The following LRMDA variants were observed in gnomAD, a reference collection of about 807,000 sequenced individuals.
LRMDA encodes the protein leucine rich melanocyte differentiation associated.
A neutral mutation model predicts 29.8 loss-of-function variants in LRMDA; 18 were observed. The ratio of observed to expected loss-of-function variants is 0.60; its 90% CI spans 0.42 to 0.90. The LOEUF is 0.90. Among genes scored for constraint, LRMDA ranks in the 40% least tolerant of loss-of-function variants. LRMDA has a pLI of 0.00. For synonymous variants in LRMDA, 125 were observed against 109.4 expected (o/e 1.14, Z -0.89); for missense variants, 273 against 273.9 (o/e 1.00, Z 0.02).
chr10:76,198,964 A>G (rs1851379464), intron 5 of LRMDA, among the ~76,000 whole-genome samples: 1 of 152,168 alleles, frequency 6.6e-6, no homozygotes, highest in Non-Finnish European at 1.5e-5. Flanking sequence ...TCATCTCTGT[A>G]TTTATGGCTC....
At chr10:75,888,299 G>A (rs1226528408) in intron 2 of LRMDA, among the ~76,000 whole-genome samples, 1 of 152,182 alleles carries the variant, frequency 6.6e-6, no homozygotes, top group African/African-American at 2.4e-5. Flanking sequence ...ATGAGTTCGT[G>A]ATCCACAATA....
chr10:75,479,462 G>A (rs976764196), intron 2 of LRMDA, among the ~76,000 whole-genome samples: 9 of 149,546 alleles, frequency 6.0e-5, no homozygotes, highest in East Asian at 2.0e-4. Context: ...AGCTGAGATC[G>A]CACCACTGTA....
In LRMDA at chr10:75,573,985, C is replaced by CT. The variant is rs34394750; in HGVS notation, c.131+135502dup. On this transcript the variant is annotated intron_variant, in intron 2 of 6. Coordinates refer to ENST00000611255, the MANE Select transcript of LRMDA (RefSeq NM_001305581.2). ...GGGGTTTTTGTTTCTTGCAGAAGGCCTTTTTTTTTTTCTGCCCAGAGGCAT... is the reference window on the plus strand; with the variant it reads ...GGGGTTTTTGTTTCTTGCAGAAGGCCTTTTTTTTTTTTCTGCCCAGAGGCAT... 5.8e-3 allele frequency among the ~76,000 whole-genome samples: 848 copies of CT among 147,040 alleles called. 4 individuals are homozygous for CT. Among genetic ancestry groups the CT allele is most frequent in the African/African-American group, 0.018 (708 of 40,232 alleles).
intron 2 of LRMDA, among the ~76,000 whole-genome samples, chr10:75,688,178 T>A (rs988379343): frequency 3.3e-5 from 5 of 152,222 alleles, no homozygotes; most frequent in African/African-American, 1.2e-4. Context: ...GAAATATATT[T>A]TGTAAGGCTC....
chr10:76,477,280 A>C (rs1342214862), intron 6 of LRMDA, among the ~76,000 whole-genome samples: 2 of 152,116 alleles, frequency 1.3e-5, no homozygotes, highest in Admixed American at 6.5e-5. Flanking sequence ...GAGCCAAATC[A>C]TGAGTGAACT....
intron 2 of LRMDA, among the ~76,000 whole-genome samples, chr10:75,833,500 C>T (rs922295025): frequency 1.3e-5 from 2 of 152,024 alleles, no homozygotes; most frequent in African/African-American, 4.8e-5. Flanking sequence ...CAATTTGCAA[C>T]AAACTTAGTG....
intron 2 of LRMDA, among the ~76,000 whole-genome samples, chr10:75,439,954 G>A (rs1451833311): frequency 6.6e-6 from 1 of 151,978 alleles, no homozygotes; most frequent in Non-Finnish European, 1.5e-5. Context: ...TCAGGGCACT[G>A]GAGCTTGGGT....
In LRMDA at chr10:75,698,751, A is replaced by T. The variant is rs1842269982; in HGVS notation, c.131+260257A>T. On this transcript the variant is annotated intron_variant, in intron 2 of 6. Transcript: ENST00000611255. ...AGTAATAGGTTTAATTTTATTTTTTAAAAACCCTCAAAAAGCAGAACCTTT... is the reference window on the plus strand; with the variant it reads ...AGTAATAGGTTTAATTTTATTTTTTTAAAACCCTCAAAAAGCAGAACCTTT... 4.0e-5 allele frequency among the ~76,000 whole-genome samples: 6 copies of T among 151,668 alleles called. No individual in the cohort carries two copies. In the South Asian group the frequency reaches 1.3e-3, roughly 32 times the overall value.
intron 2 of LRMDA, among the ~76,000 whole-genome samples, chr10:75,444,402 A>G (rs1486489479): frequency 3.3e-5 from 5 of 152,226 alleles, no homozygotes; most frequent in Non-Finnish European, 7.3e-5. Context: ...GGCTCCCTTA[A>G]AAGGCTCACA....
rs35952483 is a variant in LRMDA at position 76,539,984 on chromosome 10, TCACACACA to T, written c.602-17210_602-17203del. Among the ~76,000 whole-genome samples the T allele has an allele frequency of 5.3e-5, 8 of 150,218 alleles. No homozygotes were observed. In the South Asian group the frequency reaches 8.5e-4, roughly 16 times the overall value. ...ATTTGGCGTAATGATATCAACATGT[TCACACACA>T]CACACACACACACATTCCTTGTATA... On this transcript the variant is annotated intron_variant, in intron 6 of 6. Coordinates refer to ENST00000611255, the MANE Select transcript of LRMDA (RefSeq NM_001305581.2).
chr10:75,780,360 A>T (rs867535961), intron 2 of LRMDA, among the ~76,000 whole-genome samples: 5 of 152,294 alleles, frequency 3.3e-5, no homozygotes, highest in Middle Eastern at 3.4e-3. Context: ...GCCCAGGAGA[A>T]GGAGAGTGAA....
intron 6 of LRMDA, chr10:76,464,796 C>A (rs1468450327): frequency 6.6e-6 from 1 of 152,204 alleles, no homozygotes; most frequent in Non-Finnish European, 1.5e-5. Context: ...TCCCTCATAT[C>A]TTCATCACCG....
At chr10:75,872,974 A>G (rs1483016084) in intron 2 of LRMDA, among the ~76,000 whole-genome samples, 1 of 152,192 alleles carries the variant, frequency 6.6e-6, no homozygotes, top group Non-Finnish European at 1.5e-5. Flanking sequence ...CCCTGCAATC[A>G]ATAAATATCT....
At chr10:76,542,837 T>C (rs1253410455) in intron 6 of LRMDA, among the ~76,000 whole-genome samples, 1 of 152,180 alleles carries the variant, frequency 6.6e-6, no homozygotes, top group Non-Finnish European at 1.5e-5. Context: ...CAGAATGCAA[T>C]CATTAAACCC....
At chr10:76,382,192 T>A (rs530865015) in intron 6 of LRMDA, among the ~76,000 whole-genome samples, 2 of 152,306 alleles carry the variant, frequency 1.3e-5, no homozygotes, top group East Asian at 1.9e-4. Context: ...CATGCACACA[T>A]TCTTACGCAC....
chr10:75,602,524 T>C (rs1054022169), intron 2 of LRMDA, among the ~76,000 whole-genome samples: 2 of 152,182 alleles, frequency 1.3e-5, no homozygotes, highest in African/African-American at 4.8e-5. Flanking sequence ...GAGTCTCCTT[T>C]ATAACATTCA....
In LRMDA at chr10:76,557,305, C is replaced by A. The variant is rs762100260; in HGVS notation, c.*17C>A. ...CAGCTCTGAAGCCAACTTCTGTATACCTTCACCCATTTCATGAAAATAAAA... is the reference window on the plus strand; with the variant it reads ...CAGCTCTGAAGCCAACTTCTGTATAACTTCACCCATTTCATGAAAATAAAA... On this transcript the variant is annotated 3_prime_UTR_variant, in exon 7 of 7. Coordinates refer to ENST00000611255, the MANE Select transcript of LRMDA (RefSeq NM_001305581.2). 22 of 1,578,760 alleles carry A rather than the reference C, an allele frequency of 1.4e-5. No homozygotes were observed. The highest frequency in any genetic ancestry group is 1.7e-5 in the Non-Finnish European group (20 of 1,150,874).
intron 5 of LRMDA, among the ~76,000 whole-genome samples, chr10:76,078,328 G>A (rs905272781): frequency 2.8e-4 from 43 of 151,908 alleles, no homozygotes; most frequent in Non-Finnish European, 5.4e-4. Context: ...TCTTGAACAC[G>A]TGTTTACACA....
intron 2 of LRMDA, among the ~76,000 whole-genome samples, chr10:75,788,488 A>G (rs760163758): frequency 3.9e-5 from 6 of 152,368 alleles, no homozygotes; most frequent in African/African-American, 1.4e-4. Flanking sequence ...ATTTTTATGC[A>G]GGGACTTATT....
Sources: gnomAD v4.1 joint callset for allele counts (sites outside exome capture counted in the v4.1 genomes callset) on GRCh38, gnomAD v4.1.1 for gene constraint, MANE v1.5 for transcripts, NCBI Gene and HGNC (gene_info 2026-07-23, HGNC 2026-07-21) for gene names.